The following TRIT1 variants were observed in gnomAD, a reference collection of about 807,000 sequenced individuals.
The protein encoded by TRIT1 is tRNA dimethylallyltransferase.
Under a neutral mutation model 51.2 loss-of-function variants are expected in TRIT1, and 43 were observed. The observed-to-expected ratio is 0.84, with a 90% CI of 0.66 to 1.08. The LOEUF is 1.08. Ranked by LOEUF, TRIT1 falls within the 50% of genes least tolerant of loss-of-function variation. The probability of loss-of-function intolerance (pLI) is 0.00; values close to 1 mark genes in which losing one functional copy is unlikely to be tolerated. For synonymous variants in TRIT1, 184 were observed against 203.9 expected, an observed-to-expected ratio of 0.90 and a Z score of 0.83; for missense variants, 528 against 578.4, an observed-to-expected ratio of 0.91 and a Z score of 0.89.
intron 4 of TRIT1, among the ~76,000 whole-genome samples, chr1:39,852,282 T>TA (rs1642625919): frequency 1.3e-5 from 2 of 152,140 alleles, no homozygotes; most frequent in Admixed American, 1.3e-4. Context: ...CCCTACCAGA[T>TA]AGTTTCCATG....
At chr1:39,869,969 T>TG (rs1243748242) in intron 1 of TRIT1, among the ~76,000 whole-genome samples, 4 of 151,180 alleles carry the variant, frequency 2.6e-5, no homozygotes, top group Admixed American at 1.3e-4. Flanking sequence ...GTCTGGGAGG[T>TG]GGGGGGCCCC....
intron 1 of TRIT1, chr1:39,881,662 A>G (rs1339584014): frequency 6.6e-6 from 1 of 152,198 alleles, no homozygotes; most frequent in Non-Finnish European, 1.5e-5. Flanking sequence ...AGACAACTCA[A>G]TACCTTTGGA....
At chr1:39,882,888 T>C (rs537017720) in intron 1 of TRIT1, among the ~76,000 whole-genome samples, 36 of 152,040 alleles carry the variant, frequency 2.4e-4, no homozygotes, top group African/African-American at 8.7e-4. Flanking sequence ...ATAGGTGGTA[T>C]CCAATTTATC....
chr1:39,873,029 A>G (rs1291023746), intron 1 of TRIT1, among the ~76,000 whole-genome samples: 1 of 152,200 alleles, frequency 6.6e-6, no homozygotes, highest in Admixed American at 6.6e-5. Context: ...TGCTTTTAAC[A>G]TATGTCCGCA....
chr1:39,861,246 G>C (rs979910972), intron 1 of TRIT1, among the ~76,000 whole-genome samples: 3 of 152,106 alleles, frequency 2.0e-5, no homozygotes, highest in Non-Finnish European at 4.4e-5. Context: ...TGGCAGTTTC[G>C]GGAAGGGCAA....
chr1:39,867,436 C>T (rs74524571), intron 1 of TRIT1, among the ~76,000 whole-genome samples: 3,254 of 152,250 alleles, frequency 0.021, 69 homozygotes, highest in East Asian at 0.11. Context: ...TGAGCCACTG[C>T]GCCTGGCCAA....
intron 2 of TRIT1, among the ~76,000 whole-genome samples, chr1:39,855,476 C>G (rs908305277): frequency 1.1e-4 from 17 of 151,998 alleles, no homozygotes; most frequent in Admixed American, 2.6e-4. Context: ...TACTTGGGAC[C>G]AAGGAAATGT....
chr1:39,869,893 G>C (rs536674962), intron 1 of TRIT1, among the ~76,000 whole-genome samples: 1 of 151,876 alleles, frequency 6.6e-6, no homozygotes, highest in South Asian at 2.1e-4. Flanking sequence ...CAGGAGGTGG[G>C]GGACAGCCTC....
chr1:39,841,846 G>A lies in TRIT1; in HGVS notation c.1302C>T (p.Val434=), dbSNP rs775977751. The A allele has an allele frequency of 6.2e-7, 1 of 1,613,972 alleles. No homozygotes were observed. The highest frequency in any genetic ancestry group is 1.3e-5 in the African/African-American group (1 of 74,908). ...AAACACTCTGACTTTCTATGGTGTTGACAGCATCTGAGTCCAATCTTCTTC... is the reference window on the plus strand; with the variant it reads ...AAACACTCTGACTTTCTATGGTGTTAACAGCATCTGAGTCCAATCTTCTTC... ...KKRRRLDSDA[V]NTIESQSVSP... The change falls in exon 11 of 11, where the codon GTC becomes GTT. Residue 434 remains valine (V), a synonymous_variant. Coordinates refer to ENST00000316891, the MANE Select transcript of TRIT1 (RefSeq NM_017646.6).
intron 1 of TRIT1, chr1:39,881,689 T>C (rs567195751): frequency 2.0e-5 from 3 of 152,340 alleles, no homozygotes; most frequent in African/African-American, 7.2e-5. Flanking sequence ...TCATGTTCTT[T>C]CCTTTAATAA....
chr1:39,871,471 T>C (rs1643881728), intron 1 of TRIT1, among the ~76,000 whole-genome samples: 3 of 151,868 alleles, frequency 2.0e-5, no homozygotes, highest in Admixed American at 6.6e-5. Context: ...TCCCAGCTAC[T>C]TGGGGTGCTG....
At chr1:39,861,858 A>T (rs1259821749) in intron 1 of TRIT1, among the ~76,000 whole-genome samples, 1 of 150,196 alleles carries the variant, frequency 6.7e-6, no homozygotes, top group Non-Finnish European at 1.5e-5. Flanking sequence ...TAGGAGGCAG[A>T]GGTTGCAGTG....
intron 1 of TRIT1, among the ~76,000 whole-genome samples, chr1:39,869,750 C>T (rs935813359): frequency 4.6e-5 from 7 of 151,832 alleles, no homozygotes; most frequent in South Asian, 2.1e-4. Flanking sequence ...TGTCTCTGCC[C>T]GACCGCCACC....
intron 1 of TRIT1, among the ~76,000 whole-genome samples, chr1:39,877,090 T>C (rs980439035): frequency 6.7e-6 from 1 of 148,234 alleles, no homozygotes; most frequent in Non-Finnish European, 1.5e-5. Flanking sequence ...GCCACTGTGA[T>C]CCACCATCCC....
intron 3 of TRIT1, 44 bp from the exon 4 acceptor site, chr1:39,852,920 T>C (rs1325507409): frequency 6.2e-7 from 1 of 1,603,938 alleles, no homozygotes; most frequent in East Asian, 2.2e-5. Context: ...CAACCAACAC[T>C]GAGACAGTGT....
chr1:39,880,655 C>T lies in TRIT1; in HGVS notation c.174+2663G>A, dbSNP rs374156181. Among the ~76,000 whole-genome samples, 78 of 151,950 alleles carry T rather than the reference C, an allele frequency of 5.1e-4. 2 individuals carry two copies. The East Asian group carries it at 0.013, about 26-fold the overall frequency. ...CTCTACTAAGAATACAAAAATTAGC[C>T]GAGCATGGTGGCGGGCGTCTGTAAT... On this transcript the variant is annotated intron_variant, in intron 1 of 10. Transcript: ENST00000316891.
chr1:39,861,208 G>A (rs778427121), intron 1 of TRIT1, among the ~76,000 whole-genome samples: 1 of 152,222 alleles, frequency 6.6e-6, no homozygotes, highest in Non-Finnish European at 1.5e-5. Flanking sequence ...GGGCATGTAA[G>A]ATGATGCAGC....
In TRIT1 at chr1:39,841,733, G is replaced by T. The variant is rs770720261; in HGVS notation, c.*11C>A. 2 of 1,605,684 alleles carry T rather than the reference G, an allele frequency of 1.2e-6. No homozygotes were observed. Among genetic ancestry groups the T allele is most frequent in the South Asian group, 2.2e-5 (2 of 89,308 alleles). On this transcript the variant is annotated 3_prime_UTR_variant, in exon 11 of 11. Transcript: ENST00000316891. Reference sequence around the variant, plus strand: ...CCCCACCACCTTTCCAAAGGCCACTGGACATGTCTCTTAAACGCTGCATTT... The same window carrying T: ...CCCCACCACCTTTCCAAAGGCCACTTGACATGTCTCTTAAACGCTGCATTT...
chr1:39,847,524 T>C (rs1642303860), intron 7 of TRIT1, 24 bp downstream of exon 7: 1 of 1,611,346 alleles, frequency 6.2e-7, no homozygotes, highest in Admixed American at 1.7e-5. Flanking sequence ...TGTCCAAGAC[T>C]AGATTAGATG....
Sources: gnomAD v4.1 joint callset for allele counts (sites outside exome capture counted in the v4.1 genomes callset) on GRCh38, gnomAD v4.1.1 for gene constraint, MANE v1.5 for transcripts, NCBI Gene and HGNC (gene_info 2026-07-23, HGNC 2026-07-21) for gene names.